The following GMDS variants were observed in gnomAD, a reference collection of about 807,000 sequenced individuals.
GMDS encodes the protein GDP-mannose 4,6 dehydratase.
GMDS carries 20 observed loss-of-function variants against 49.9 expected under a neutral mutation model. The ratio of observed to expected loss-of-function variants is 0.40; its 90% CI spans 0.28 to 0.58. The LOEUF is 0.58. Ranked by LOEUF, GMDS falls within the 20% of genes least tolerant of loss-of-function variation. The probability of loss-of-function intolerance (pLI) is 0.42; values close to 1 mark genes in which losing one functional copy is unlikely to be tolerated. For synonymous variants in GMDS, 177 were observed against 178.6 expected (o/e 0.99, Z 0.07); for missense variants, 362 against 481.4 (o/e 0.75, Z 2.32).
intron 4 of GMDS, among the ~76,000 whole-genome samples, chr6:2,100,985 T>G (rs1773891413): frequency 6.6e-6 from 1 of 152,026 alleles, no homozygotes; most frequent in South Asian, 2.1e-4. Context: ...ACTTCTATGT[T>G]ATTATGAAAG....
At chr6:2,083,868 A>AT (rs1772856305) in intron 4 of GMDS, among the ~76,000 whole-genome samples, 1 of 152,224 alleles carries the variant, frequency 6.6e-6, no homozygotes, top group South Asian at 2.1e-4. Context: ...ATTCCAGTTA[A>AT]TTGGGGGGTA....
chr6:1,918,725 G>C (rs1015106603), intron 7 of GMDS, among the ~76,000 whole-genome samples: 3 of 152,098 alleles, frequency 2.0e-5, no homozygotes, highest in Admixed American at 1.3e-4. Flanking sequence ...CTCCAGTATG[G>C]GTGACAGAGT....
intron 9 of GMDS, among the ~76,000 whole-genome samples, chr6:1,677,647 G>A (rs1449001462): frequency 6.6e-6 from 1 of 151,932 alleles, no homozygotes; most frequent in African/African-American, 2.4e-5. Context: ...TCTTTTGCAG[G>A]GACATGGATG....
Position 1,921,764 on chromosome 6 carries a change from G to A in GMDS, c.771+8339C>T, listed in dbSNP as rs529447973. ...TGTTTGGTTTGTTAGAAACAACACA[G>A]AAACCACGTTCTTCTAAATACAGAT... On this transcript the variant is annotated intron_variant, in intron 7 of 10. Transcript: ENST00000380815. Among the ~76,000 whole-genome samples the A allele has an allele frequency of 6.6e-5, 10 of 152,248 alleles. No individual in the cohort carries two copies. In the South Asian group the frequency reaches 1.9e-3, roughly 28 times the overall value.
At chr6:2,116,749 G>A (rs1381922373) in intron 3 of GMDS, among the ~76,000 whole-genome samples, 3 of 152,122 alleles carry the variant, frequency 2.0e-5, no homozygotes, top group Admixed American at 6.6e-5. Context: ...GGAAAAACTG[G>A]CCACATAATG....
intron 9 of GMDS, among the ~76,000 whole-genome samples, chr6:1,702,824 A>G (rs1765588364): frequency 1.3e-5 from 2 of 152,154 alleles, no homozygotes; most frequent in South Asian, 4.1e-4. Context: ...CCTAACCTCA[A>G]TCTGGGGAAA....
intron 9 of GMDS, among the ~76,000 whole-genome samples, chr6:1,673,527 A>G (rs75482086): frequency 0.012 from 1,864 of 152,244 alleles, 19 homozygotes; most frequent in Non-Finnish European, 0.018. Context: ...TATATTTGTT[A>G]TAACTGATGA....
chr6:1,782,578 C>G (rs907746160), intron 7 of GMDS, among the ~76,000 whole-genome samples: 1 of 152,164 alleles, frequency 6.6e-6, no homozygotes, highest in Non-Finnish European at 1.5e-5. Flanking sequence ...GATGAATGCT[C>G]TTTATAAAGA....
At chr6:1,678,784 A>G (rs1310969979) in intron 9 of GMDS, among the ~76,000 whole-genome samples, 1 of 152,184 alleles carries the variant, frequency 6.6e-6, no homozygotes, top group East Asian at 1.9e-4. Flanking sequence ...CTGTGCCAAA[A>G]TATATTTTCA....
At chr6:2,071,172 T>A (rs181512181) in intron 4 of GMDS, among the ~76,000 whole-genome samples, 8 of 152,334 alleles carry the variant, frequency 5.3e-5, no homozygotes, top group Admixed American at 1.3e-4. Flanking sequence ...AGATGTTAAC[T>A]GGATCAAAAC....
intron 9 of GMDS, among the ~76,000 whole-genome samples, chr6:1,633,448 G>A (rs1161316176): frequency 1.3e-5 from 2 of 152,176 alleles, no homozygotes; most frequent in Non-Finnish European, 2.9e-5. Context: ...TGAAGCCCAT[G>A]TTCTAGGGTC....
At chr6:1,996,446 G>A (rs900191707) in intron 4 of GMDS, among the ~76,000 whole-genome samples, 5 of 152,204 alleles carry the variant, frequency 3.3e-5, no homozygotes, top group Non-Finnish European at 5.9e-5. Context: ...CTAAGCTCAT[G>A]TAACAGTGAT....
intron 8 of GMDS, among the ~76,000 whole-genome samples, chr6:1,726,851 T>C (rs1766609749): frequency 6.6e-6 from 1 of 151,940 alleles, no homozygotes; most frequent in Non-Finnish European, 1.5e-5. Context: ...TCTTGGTCAA[T>C]TCATTATTAT....
chr6:1,649,156 C>G (rs370409083), intron 9 of GMDS, among the ~76,000 whole-genome samples: 8 of 152,158 alleles, frequency 5.3e-5, no homozygotes, highest in African/African-American at 1.9e-4. Flanking sequence ...ACACGTTAAC[C>G]CTGTCTAGCC....
intron 7 of GMDS, among the ~76,000 whole-genome samples, chr6:1,814,407 CACT>C (rs1366535344): frequency 6.6e-6 from 1 of 151,834 alleles, no homozygotes; most frequent in Non-Finnish European, 1.5e-5. Flanking sequence ...ATGTTTTCAA[CACT>C]ATTACTCAAG....
At position 1,635,061 on chromosome 6, in the gene GMDS, G is replaced by A. The variant is rs1002986831; in HGVS notation, c.988-10521C>T. On this transcript the variant is annotated intron_variant, in intron 9 of 10. Transcript: ENST00000380815. This position sits in a 1 kb window ranked among gnomAD's most constrained non-coding sequence, Gnocchi z 4.7. ...TGCGTGTGCCTCTCACCACAGCCCT[G>A]CCAGCATTACGTGTCATCTCCTTTT... Among the ~76,000 whole-genome samples, 2 of 152,168 alleles carry A rather than the reference G, an allele frequency of 1.3e-5. No homozygotes were observed. The highest frequency in any genetic ancestry group is 4.8e-5 in the African/African-American group (2 of 41,428).
chr6:1,862,662 T>TA (rs1758246892), intron 7 of GMDS, among the ~76,000 whole-genome samples: 1 of 152,262 alleles, frequency 6.6e-6, no homozygotes, highest in Non-Finnish European at 1.5e-5. Context: ...AGCAATATCC[T>TA]GGAATGACAA....
At chr6:1,912,939 G>T (rs2113881008) in intron 7 of GMDS, among the ~76,000 whole-genome samples, 1 of 152,292 alleles carries the variant, frequency 6.6e-6, no homozygotes, top group East Asian at 1.9e-4. Flanking sequence ...TGCCCTTCTG[G>T]ATGAGACTGA....
At chr6:1,672,109 C>G (rs187343318) in intron 9 of GMDS, among the ~76,000 whole-genome samples, 26 of 152,268 alleles carry the variant, frequency 1.7e-4, no homozygotes, top group African/African-American at 6.0e-4. Flanking sequence ...GTGTTTTTTC[C>G]TGGATTAGAC....
Sources: allele counts gnomAD v4.1 joint callset (sites outside exome capture counted in the v4.1 genomes callset), GRCh38; gene constraint gnomAD v4.1.1; non-coding constraint Gnocchi (gnomAD v3.1); transcripts MANE v1.5; gene names NCBI Gene and HGNC (gene_info 2026-07-23, HGNC 2026-07-21).